The following TGFBI variants were observed in gnomAD, a reference collection of about 807,000 sequenced individuals.
TGFBI encodes transforming growth factor beta induced, also known as transforming growth factor-beta-induced protein ig-h3.
TGFBI carries 50 observed loss-of-function variants against 73.7 expected under a neutral mutation model. The observed-to-expected ratio is 0.68, with a 90% CI of 0.54 to 0.86. The LOEUF (loss-of-function observed/expected upper bound fraction) is 0.86. Ranked by LOEUF, TGFBI falls within the 40% of genes least tolerant of loss-of-function variation. The pLI, the probability that TGFBI is intolerant of heterozygous loss-of-function variation, is 0.00. For synonymous variants in TGFBI, 362 were observed against 360.5 expected, an observed-to-expected ratio of 1.00 and a Z score of -0.05; for missense variants, 839 against 877.0, an observed-to-expected ratio of 0.96 and a Z score of 0.55.
intron 3 of TGFBI, chr5:136,046,046 C>T (rs149048823): frequency 1.1e-5 from 3 of 283,646 alleles, no homozygotes; most frequent in East Asian, 6.4e-5. Flanking sequence ...CCATTCCTGC[C>T]TCTGTTATCT....
chr5:136,059,300 A>T, intron 13 of TGFBI, 86 bp downstream of exon 13: 1 of 1,525,252 alleles, frequency 6.6e-7, no homozygotes, highest in Non-Finnish European at 8.9e-7. Context: ...GGAATTATAC[A>T]CACACAACCT....
chr5:136,060,234 T>C (rs986269397), intron 13 of TGFBI, among the ~76,000 whole-genome samples: 1 of 152,176 alleles, frequency 6.6e-6, no homozygotes, highest in Non-Finnish European at 1.5e-5. Context: ...TAATATCTAC[T>C]CTCCTTATCA....
chr5:136,037,579 G>A (rs927207381), intron 2 of TGFBI, among the ~76,000 whole-genome samples: 5 of 152,132 alleles, frequency 3.3e-5, no homozygotes, highest in African/African-American at 9.7e-5. Context: ...GCATAGGGAG[G>A]GCTGGTGGAG....
chr5:136,047,971 A>G (rs1273057108), intron 6 of TGFBI: 1 of 152,714 alleles, frequency 6.5e-6, no homozygotes, highest in Non-Finnish European at 1.5e-5. Flanking sequence ...CATTTGTCTT[A>G]CAACTGGAGG....
chr5:136,041,872 C>T (rs1751344920), intron 2 of TGFBI, among the ~76,000 whole-genome samples: 1 of 152,152 alleles, frequency 6.6e-6, no homozygotes, highest in African/African-American at 2.4e-5. Flanking sequence ...TGTTCAGCTC[C>T]CTTGCGGTAT....
intron 2 of TGFBI, among the ~76,000 whole-genome samples, chr5:136,042,780 G>C (rs926843117): frequency 6.6e-6 from 1 of 152,174 alleles, no homozygotes; most frequent in African/African-American, 2.4e-5. Flanking sequence ...CATCTTAGCT[G>C]ATCTGTCTCT....
chr5:136,056,855 C>A, intron 12 of TGFBI, 60 bp downstream of exon 12: 1 of 1,531,882 alleles, frequency 6.5e-7, no homozygotes, highest in Non-Finnish European at 8.8e-7. Flanking sequence ...CTCAGGGCCC[C>A]AGCAGCAAAC....
chr5:136,041,909 A>T (rs1751345303), intron 2 of TGFBI, among the ~76,000 whole-genome samples: 2 of 152,240 alleles, frequency 1.3e-5, no homozygotes, highest in Admixed American at 6.5e-5. Context: ...AGAAGCCAAC[A>T]ATATAGAAAA....
At chr5:136,056,586 G>A in intron 11 of TGFBI, 79 bp from the exon 12 acceptor site, 1 of 1,580,732 alleles carries the variant, frequency 6.3e-7, no homozygotes, top group South Asian at 1.1e-5. Flanking sequence ...GGTATTTAAG[G>A]AAAATACCTC....
At chr5:136,059,282 C>T (rs1176366769) in intron 13 of TGFBI, 68 bp downstream of exon 13, 3 of 1,574,688 alleles carry the variant, frequency 1.9e-6, no homozygotes, top group African/African-American at 1.4e-5. Flanking sequence ...ATATCTCACC[C>T]CCAGGATGGA....
At chr5:136,034,788 G>C (rs1401233864) in intron 2 of TGFBI, among the ~76,000 whole-genome samples, 1 of 152,174 alleles carries the variant, frequency 6.6e-6, no homozygotes, top group Non-Finnish European at 1.5e-5. Flanking sequence ...TAGCTAGGAA[G>C]ATGTGTATGA....
chr5:136,049,907 A>G (rs1374986703), intron 7 of TGFBI: 3 of 252,950 alleles, frequency 1.2e-5, no homozygotes, highest in African/African-American at 6.5e-5. Context: ...AGCAAGGCTA[A>G]TAGGTAGAGC....
At chr5:136,060,805 T>C (rs914635868) in intron 13 of TGFBI, 29 bp from the exon 14 acceptor site, 1 of 1,513,264 alleles carries the variant, frequency 6.6e-7, no homozygotes, top group Non-Finnish European at 9.1e-7. Flanking sequence ...AATGCTCTAC[T>C]TTCAACCACT....
chr5:136,062,765 C>A, intron 16 of TGFBI, 78 bp downstream of exon 16: 1 of 1,432,662 alleles, frequency 7.0e-7, no homozygotes, highest in Non-Finnish European at 9.6e-7. Context: ...CTGCCATCTG[C>A]TGTATATAGA....
chr5:136,032,752 CCTGA>C (rs1751144457), intron 1 of TGFBI, among the ~76,000 whole-genome samples: 1 of 152,172 alleles, frequency 6.6e-6, no homozygotes, highest in South Asian at 2.1e-4. Flanking sequence ...CCACGCCTCT[CCTGA>C]CTGACCACGT....
rs1432825630 is a variant in TGFBI, at chr5:136,046,493, G to T, written c.457G>T (p.Ala153Ser). 1 of 1,603,594 alleles carries T rather than the reference G, an allele frequency of 6.2e-7. No homozygotes were observed. Among genetic ancestry groups the T allele is most frequent in the Non-Finnish European group, 8.5e-7 (1 of 1,173,502 alleles). ...CAACGAGGCCTGGGCCTCCTTGCCA[G>T]CTGTGAGATGACCTCCGTCTGCCCG... ...PSNEAWASLP[A>S]EVLDSLVSNV... The change falls in exon 4 of 17, where the codon GCT becomes TCT. Residue 153 changes from alanine to serine, a missense_variant and splice_region_variant. Ala to Ser is a moderately conservative substitution (Grantham distance 99). Coordinates refer to ENST00000442011, the MANE Select transcript of TGFBI (RefSeq NM_000358.3).
At chr5:136,055,454 T>G (rs1580720027) in intron 10 of TGFBI, 1 of 404,624 alleles carries the variant, frequency 2.5e-6, no homozygotes, top group East Asian at 3.6e-5. Context: ...GGGACCTCTG[T>G]GTGACTTTAT....
At chr5:136,059,026 C>T (rs1751699108) in intron 12 of TGFBI, 64 bp from the exon 13 acceptor site, 3 of 1,565,772 alleles carry the variant, frequency 1.9e-6, no homozygotes, top group African/African-American at 2.7e-5. Flanking sequence ...CCTCTGGGCC[C>T]TCCTTGACCA....
intron 12 of TGFBI, 41 bp from the exon 13 acceptor site, chr5:136,059,049 T>C: frequency 6.3e-7 from 1 of 1,597,128 alleles, no homozygotes; most frequent in Non-Finnish European, 8.5e-7. Context: ...CTAATTACCA[T>C]TCTTGGGATT....
Sources: allele counts gnomAD v4.1 joint callset (sites outside exome capture counted in the v4.1 genomes callset), GRCh38; gene constraint gnomAD v4.1.1; transcripts MANE v1.5; gene names NCBI Gene and HGNC (gene_info 2026-07-23, HGNC 2026-07-21).